Variants in ABLIM1 observed in about 807,000 individuals in gnomAD.
ABLIM1 encodes the protein actin-binding LIM protein 1.
A neutral mutation model predicts 107.0 loss-of-function variants in ABLIM1; 40 were observed. The observed-to-expected ratio is 0.37, with a 90% CI of 0.29 to 0.49. The LOEUF is 0.49. Among genes scored for constraint, ABLIM1 ranks in the 20% least tolerant of loss-of-function variants. The pLI, the probability that ABLIM1 is intolerant of heterozygous loss-of-function variation, is 0.97. For synonymous variants in ABLIM1, 357 were observed against 357.3 expected, an observed-to-expected ratio of 1.00 and a Z score of 0.01; for missense variants, 857 against 1,008.5, an observed-to-expected ratio of 0.85 and a Z score of 2.04.
chr10:114,684,745 C>T (rs1483606454), exon 1 of ABLIM1: 1 of 1,003,994 alleles, frequency 1.0e-6, no homozygotes, highest in Non-Finnish European at 1.2e-6. Context: ...TCTGCACAAT[C>T]CAGAATCCAG....
At chr10:114,594,939 G>T (rs1298720348) in intron 2 of ABLIM1, 1 of 152,140 alleles carries the variant, frequency 6.6e-6, no homozygotes, top group East Asian at 1.9e-4. Flanking sequence ...AGGAGGTGAA[G>T]ATAAATTAAT....
intron 7 of ABLIM1, 61 bp from the exon 8 acceptor site, chr10:114,488,077 GACAGCA>G: frequency 6.4e-7 from 1 of 1,555,792 alleles, no homozygotes; most frequent in Non-Finnish European, 8.9e-7. Flanking sequence ...AGTCCTCTGA[GACAGCA>G]CTTCTGAGAA....
intron 6 of ABLIM1, among the ~76,000 whole-genome samples, chr10:114,504,654 T>C (rs2060887350): frequency 1.3e-5 from 2 of 152,140 alleles, no homozygotes; most frequent in South Asian, 4.2e-4. Context: ...TTTTGACGTG[T>C]TATAAGGGCT....
chr10:114,779,771 CGAGTCATTTATGTTGTTTCT>C, the ABLIM1 span: 20 of 151,984 alleles, frequency 1.3e-4, no homozygotes, highest in Admixed American at 3.9e-4. Flanking sequence ...TTTTCTTTTG[CGAGTCATTTATGTTGTTTCT>C]GATTTCACTG....
chr10:114,585,370 T>C (rs2074070589), intron 2 of ABLIM1, among the ~76,000 whole-genome samples: 1 of 152,160 alleles, frequency 6.6e-6, no homozygotes, highest in Non-Finnish European at 1.5e-5. Context: ...GCCCCAGCCA[T>C]AGCTGTATGT....
chr10:114,437,299 C>CT (rs1429488432), intron 22 of ABLIM1, among the ~76,000 whole-genome samples: 2 of 150,708 alleles, frequency 1.3e-5, no homozygotes, highest in Non-Finnish European at 3.0e-5. Flanking sequence ...CTGGGTCATT[C>CT]TTTTTTTCTT....
intron 6 of ABLIM1, among the ~76,000 whole-genome samples, chr10:114,502,787 A>C (rs1178216990): frequency 1.3e-5 from 2 of 152,216 alleles, no homozygotes; most frequent in Non-Finnish European, 2.9e-5. Flanking sequence ...GCAGTATAGC[A>C]TTGAGAAAAA....
At chr10:114,526,112 A>G (rs912288027) in intron 6 of ABLIM1, among the ~76,000 whole-genome samples, 2 of 152,202 alleles carry the variant, frequency 1.3e-5, no homozygotes, top group African/African-American at 4.8e-5. Context: ...CATGAATAAC[A>G]TCTAAACATT....
chr10:114,547,609 G>C (rs962235059), intron 5 of ABLIM1, 41 bp downstream of exon 5: 2 of 1,609,686 alleles, frequency 1.2e-6, no homozygotes, highest in East Asian at 4.5e-5. Flanking sequence ...CACAACGCCC[G>C]GTGCCCACTG....
chr10:114,759,408 G>A (rs1016398476), intron 1 of ABLIM1, among the ~76,000 whole-genome samples: 6 of 152,084 alleles, frequency 3.9e-5, no homozygotes, highest in African/African-American at 1.4e-4. Context: ...GATAATGAAG[G>A]TCCCAAAGGC....
chr10:114,473,705 A>T (rs974408326), intron 9 of ABLIM1, among the ~76,000 whole-genome samples, 174 bp downstream of exon 9: 1 of 152,218 alleles, frequency 6.6e-6, no homozygotes, highest in Non-Finnish European at 1.5e-5. Flanking sequence ...CATAAATGTA[A>T]TTACCTAAAG....
chr10:114,491,391 A>G (rs1010339383), intron 7 of ABLIM1, among the ~76,000 whole-genome samples: 46 of 152,126 alleles, frequency 3.0e-4, no homozygotes, highest in African/African-American at 1.0e-3. Context: ...GTAAAAGGAG[A>G]AAAAAAGTAG....
upstream of ABLIM1, among the ~76,000 whole-genome samples, chr10:114,689,514 A>C (rs11196878): frequency 0.12 from 18,095 of 151,568 alleles, 1,166 homozygotes; most frequent in African/African-American, 0.17. Context: ...GGTGTGCACC[A>C]CCACTCCCAG....
chr10:114,561,508 T>C (rs2138317467), intron 4 of ABLIM1, among the ~76,000 whole-genome samples: 1 of 152,332 alleles, frequency 6.6e-6, no homozygotes, highest in East Asian at 1.9e-4. Flanking sequence ...ATTTCCCTTC[T>C]CTCCCTGTCT....
At chr10:114,547,860 G>A (rs2067555957) in intron 4 of ABLIM1, 84 bp from the exon 5 acceptor site, 14 of 1,520,098 alleles carry the variant, frequency 9.2e-6, no homozygotes, top group Middle Eastern at 1.7e-4. Flanking sequence ...CCCACTGTGT[G>A]CCCATCACAC....
At chr10:114,781,789 A>C in the ABLIM1 span, among the ~76,000 whole-genome samples, 1 of 151,810 alleles carries the variant, frequency 6.6e-6, no homozygotes, top group South Asian at 2.1e-4. Context: ...TATCAAACTG[A>C]CTAAATTTAG....
chr10:114,645,237 T>C (rs2078962275), intron 1 of ABLIM1, among the ~76,000 whole-genome samples: 1 of 152,038 alleles, frequency 6.6e-6, no homozygotes, highest in Admixed American at 6.5e-5. Flanking sequence ...CAAACAATGG[T>C]GATGGGGAGG....
At chr10:114,653,789 C>T (rs2079365288) in intron 1 of ABLIM1, among the ~76,000 whole-genome samples, 1 of 152,178 alleles carries the variant, frequency 6.6e-6, no homozygotes, top group Admixed American at 6.6e-5. Flanking sequence ...TTTGCGGAAG[C>T]TATTTTGTAT....
intron 1 of ABLIM1, among the ~76,000 whole-genome samples, chr10:114,737,863 C>G (rs568654031): frequency 2.0e-5 from 3 of 152,146 alleles, no homozygotes; most frequent in African/African-American, 7.2e-5. Flanking sequence ...AGCCTCAGAA[C>G]CACTCTAGTA....
Sources: gnomAD v4.1 joint callset for allele counts (sites outside exome capture counted in the v4.1 genomes callset) on GRCh38, gnomAD v4.1.1 for gene constraint, MANE v1.5 for transcripts, NCBI Gene and HGNC (gene_info 2026-07-23, HGNC 2026-07-21) for gene names.